Variants in LMNTD1 observed in about 807,000 individuals in gnomAD.
LMNTD1 encodes the protein lamin tail domain-containing protein 1.
In LMNTD1, 35 loss-of-function variants were observed where a neutral mutation model predicts 50.9. The observed-to-expected ratio is 0.69, with a 90% CI of 0.53 to 0.91. LMNTD1 has a LOEUF of 0.91. Among genes scored for constraint, LMNTD1 ranks in the 40% least tolerant of loss-of-function variants. LMNTD1 has a pLI of 0.00. For missense variants in LMNTD1, 470 were observed against 475.5 expected, an observed-to-expected ratio of 0.99 and a Z score of 0.11; for synonymous variants, 153 against 161.9, an observed-to-expected ratio of 0.94 and a Z score of 0.42.
At chr12:25,561,929 G>A (rs1186956933) in intron 1 of LMNTD1, among the ~76,000 whole-genome samples, 1 of 152,134 alleles carries the variant, frequency 6.6e-6, no homozygotes, top group Non-Finnish European at 1.5e-5. Flanking sequence ...TTGGTTTAAA[G>A]TCTGTTTCAT....
intron 1 of LMNTD1, among the ~76,000 whole-genome samples, chr12:25,607,327 A>C (rs539119710): frequency 5.3e-5 from 8 of 151,676 alleles, no homozygotes; most frequent in Admixed American, 5.3e-4. Flanking sequence ...TTGTGTCTCT[A>C]TCTCCTTCAG....
At chr12:25,588,345 T>C (rs1342144741) in intron 1 of LMNTD1, among the ~76,000 whole-genome samples, 1 of 152,166 alleles carries the variant, frequency 6.6e-6, no homozygotes, top group Non-Finnish European at 1.5e-5. Flanking sequence ...TATTTAAATT[T>C]CAACTCAGAT....
In LMNTD1 at chr12:25,518,860, G is replaced by C; in HGVS notation, c.1124C>G (p.Ser375Cys). ...TCTATCCAATCTGCCTCCAGCGGTGGATGTATTGTGTGGTTCAATCAGAGG... is the reference window on the plus strand; with the variant it reads ...TCTATCCAATCTGCCTCCAGCGGTGCATGTATTGTGTGGTTCAATCAGAGG... ...YCPLIEPHNT[S>C]TAGGRLDRQP... is the part of the protein sequence containing the mutation. The change falls in exon 8 of 10, where the codon TCC becomes TGC. Residue 375 changes from serine to cysteine, a missense_variant. Ser to Cys is a moderately radical substitution (Grantham distance 112). Coordinates refer to ENST00000458174, the MANE Select transcript of LMNTD1 (RefSeq NM_001145728.2). The C allele has an allele frequency of 1.2e-6, 2 of 1,614,136 alleles. No homozygotes were observed. Among genetic ancestry groups the C allele is most frequent in the Non-Finnish European group, 1.7e-6 (2 of 1,180,026 alleles).
chr12:25,564,758 G>A (rs953313782), intron 1 of LMNTD1, among the ~76,000 whole-genome samples: 5 of 152,178 alleles, frequency 3.3e-5, no homozygotes, highest in Non-Finnish European at 5.9e-5. Context: ...GGTCTATAGT[G>A]TATATTAAGT....
chr12:25,579,872 C>T (rs1238695323), intron 1 of LMNTD1, among the ~76,000 whole-genome samples: 1 of 152,206 alleles, frequency 6.6e-6, no homozygotes, highest in Non-Finnish European at 1.5e-5. Flanking sequence ...CAGCGAGCCT[C>T]TGAGCAGTTT....
At chr12:25,624,844 G>C (rs1946552167) in intron 1 of LMNTD1, among the ~76,000 whole-genome samples, 1 of 152,202 alleles carries the variant, frequency 6.6e-6, no homozygotes, top group African/African-American at 2.4e-5. Flanking sequence ...ATAAGTTACT[G>C]TTATCCTCCC....
chr12:25,494,345 T>C (rs1938990073), intron 9 of LMNTD1, among the ~76,000 whole-genome samples: 2 of 151,468 alleles, frequency 1.3e-5, no homozygotes, highest in South Asian at 4.1e-4. Flanking sequence ...GATACATACA[T>C]AACTTATTTA....
chr12:25,564,455 C>T (rs978565729), intron 1 of LMNTD1, among the ~76,000 whole-genome samples: 2 of 152,134 alleles, frequency 1.3e-5, no homozygotes, highest in Non-Finnish European at 2.9e-5. Flanking sequence ...GACATGGTTT[C>T]ACCCTGTTGG....
chr12:25,565,384 A>G (rs1027563634), intron 1 of LMNTD1, among the ~76,000 whole-genome samples: 1 of 152,154 alleles, frequency 6.6e-6, no homozygotes, highest in Admixed American at 6.5e-5. Flanking sequence ...TGAGGCTTGC[A>G]AATACTATCT....
In LMNTD1 at chr12:25,519,887, C is replaced by A. The variant is rs1290586811; in HGVS notation, c.987G>T (p.Gln329His). ...DQPKKDISNYQVEQAQVLLKR... is the reference protein window; with the variant it reads ...DQPKKDISNYHVEQAQVLLKR... ...TAAGAAGAACTTGAGCTTGTTCCAC[C>A]TGATAATTTGAGATATCTTTCTTAG... Residue 329 changes from glutamine to histidine, a missense_variant, in exon 7 of 10, where the codon CAG becomes CAT. Physicochemically the swap from Gln to His is conservative, Grantham distance 24. Transcript: ENST00000458174. 2 of 1,611,434 alleles carry A rather than the reference C, an allele frequency of 1.2e-6. No individual in the cohort carries two copies. Among genetic ancestry groups the A allele is most frequent in the Non-Finnish European group, 1.7e-6 (2 of 1,179,174 alleles).
intron 2 of LMNTD1, among the ~76,000 whole-genome samples, chr12:25,552,581 G>GAAAAAAA (rs55848800): frequency 0.26 from 15,199 of 57,562 alleles, 3,364 homozygotes; most frequent in Non-Finnish European, 0.35. Context: ...CACTCTGTCT[G>GAAAAAAA]AAAAAAAAAA....
At chr12:25,570,074 C>A (rs1327365230) in intron 1 of LMNTD1, among the ~76,000 whole-genome samples, 1 of 152,170 alleles carries the variant, frequency 6.6e-6, no homozygotes, top group Non-Finnish European at 1.5e-5. Context: ...TTTTGTCTGA[C>A]TTCAGAGGCT....
intron 1 of LMNTD1, among the ~76,000 whole-genome samples, chr12:25,635,038 G>T (rs1384960075): frequency 6.6e-6 from 1 of 151,918 alleles, no homozygotes; most frequent in Non-Finnish European, 1.5e-5. Context: ...TCAGGAGTTC[G>T]AGACCAGCCT....
At chr12:25,493,535 T>C (rs551725951) in intron 9 of LMNTD1, among the ~76,000 whole-genome samples, 1 of 152,312 alleles carries the variant, frequency 6.6e-6, no homozygotes, top group South Asian at 2.1e-4. Context: ...TAAAAGGCCA[T>C]AGTCTCTTCC....
chr12:25,631,399 A>G (rs10842590), intron 1 of LMNTD1, among the ~76,000 whole-genome samples: 93,052 of 150,520 alleles, frequency 0.62, 28,987 homozygotes, highest in Non-Finnish European at 0.68. Context: ...CATTGCACCC[A>G]CCCCTTGCCA....
At chr12:25,607,435 A>G (rs879152186) in intron 1 of LMNTD1, among the ~76,000 whole-genome samples, 1 of 152,052 alleles carries the variant, frequency 6.6e-6, no homozygotes, top group Admixed American at 6.6e-5. Context: ...TAGGGTGTCA[A>G]TTTTAGATCT....
At chr12:25,610,117 G>T (rs575913609) in intron 1 of LMNTD1, among the ~76,000 whole-genome samples, 2 of 152,122 alleles carry the variant, frequency 1.3e-5, no homozygotes, top group African/African-American at 4.8e-5. Flanking sequence ...AGTGAGCAAG[G>T]CTCTGTGGGC....
chr12:25,477,753 G>A (rs941634840), intron 9 of LMNTD1, among the ~76,000 whole-genome samples: 1 of 152,050 alleles, frequency 6.6e-6, no homozygotes, highest in Non-Finnish European at 1.5e-5. Context: ...ACAGGGCATG[G>A]TAATAGTAAG....
At chr12:25,510,080 T>C (rs1234969921) in intron 8 of LMNTD1, among the ~76,000 whole-genome samples, 1 of 152,218 alleles carries the variant, frequency 6.6e-6, no homozygotes, top group Non-Finnish European at 1.5e-5. Flanking sequence ...TAAGACAACA[T>C]CGGTATTATT....
Sources: allele counts gnomAD v4.1 joint callset (sites outside exome capture counted in the v4.1 genomes callset), GRCh38; gene constraint gnomAD v4.1.1; transcripts MANE v1.5; gene names NCBI Gene and HGNC (gene_info 2026-07-23, HGNC 2026-07-21).